The following CABIN1 variants were observed in gnomAD, a reference collection of about 807,000 sequenced individuals.
The protein encoded by CABIN1 is calcineurin binding protein 1, also known as calcineurin-binding protein cabin-1.
CABIN1 carries 133 observed loss-of-function variants against 227.7 expected under a neutral mutation model. The observed-to-expected ratio is 0.58, with a 90% CI of 0.51 to 0.67. The LOEUF is 0.67. Ranked by LOEUF, CABIN1 falls within the 30% of genes least tolerant of loss-of-function variation. The pLI, the probability that CABIN1 is intolerant of heterozygous loss-of-function variation, is 0.00. For missense variants in CABIN1, 2,408 were observed against 2,852.5 expected, an observed-to-expected ratio of 0.84 and a Z score of 3.55; for synonymous variants, 1,086 against 1,155.1, an observed-to-expected ratio of 0.94 and a Z score of 1.21.
intron 1 of CABIN1, among the ~76,000 whole-genome samples, chr22:24,031,796 G>T (rs1202044206): frequency 6.6e-6 from 1 of 152,194 alleles, no homozygotes; most frequent in Non-Finnish European, 1.5e-5. Context: ...TCTGCTTACT[G>T]GGAGTCATCA....
chr22:24,156,363 A>G (rs1447108317), intron 29 of CABIN1, among the ~76,000 whole-genome samples: 1 of 151,926 alleles, frequency 6.6e-6, no homozygotes, highest in African/African-American at 2.4e-5. Context: ...GTTCAGCGTC[A>G]GGTGGGCGGC....
chr22:24,105,076 T>C (rs964365313), intron 26 of CABIN1, among the ~76,000 whole-genome samples: 15 of 152,222 alleles, frequency 9.9e-5, no homozygotes, highest in Non-Finnish European at 1.5e-5. Flanking sequence ...ATCCTGGGAT[T>C]GTCCAAGGGA....
At position 24,177,683 on chromosome 22, in the gene CABIN1, C is replaced by G; in HGVS notation, c.6385C>G (p.Leu2129Val). The G allele has an allele frequency of 6.2e-7, 1 of 1,613,888 alleles. No homozygotes were observed. Among genetic ancestry groups the G allele is most frequent in the Non-Finnish European group, 8.5e-7 (1 of 1,179,902 alleles). Reference sequence around the variant, plus strand: ...GCCCAGCCGGGCTAAGTCCCGCCCCCTGCCCAACATGCCAAAGCTGGTCAT... The same window carrying G: ...GCCCAGCCGGGCTAAGTCCCGCCCCGTGCCCAACATGCCAAAGCTGGTCAT... ...PEPSRAKSRP[L>V]PNMPKLVIPS... The change falls in exon 36 of 37, where the codon CTG (leucine) becomes GTG (valine). Residue 2129 changes from leucine to valine, a missense_variant. This residue lies in a region of CABIN1 where 714 missense variants were observed against 773.8 expected (regional missense o/e 0.92). Transcript: ENST00000263119. The surrounding 1 kb of genome is among the most constrained non-coding windows in gnomAD (Gnocchi z 4.4).
chr22:24,037,635 C>A (rs2037021788), intron 3 of CABIN1, among the ~76,000 whole-genome samples: 1 of 152,160 alleles, frequency 6.6e-6, no homozygotes, highest in South Asian at 2.1e-4. Context: ...TTACTCACAA[C>A]CCTTCTGATA....
At chr22:24,170,145 G>A (rs1226838504) in intron 33 of CABIN1, 5 of 458,852 alleles carry the variant, frequency 1.1e-5, no homozygotes, top group South Asian at 3.1e-5. Context: ...GTGCGGTGGG[G>A]GCGCCTTGGT....
At chr22:24,012,175 A>T (rs1359605906) in intron 1 of CABIN1, among the ~76,000 whole-genome samples, 3 of 152,192 alleles carry the variant, frequency 2.0e-5, no homozygotes. Context: ...TGGGGGGTCC[A>T]TACTCTGTCT....
chr22:24,165,499 G>C (rs986689782), intron 30 of CABIN1, 31 bp from the exon 31 acceptor site: 2 of 1,593,016 alleles, frequency 1.3e-6, no homozygotes, highest in African/African-American at 2.7e-5. Flanking sequence ...ATGCCCTCCT[G>C]TCCTCTCTGA....
At position 24,166,746 on chromosome 22, in the gene CABIN1, G is replaced by C; in HGVS notation, c.5115G>C (p.Gln1705His). 6.2e-7 allele frequency: 1 copy of C among 1,612,818 alleles called. No individual in the cohort carries two copies. The highest frequency in any genetic ancestry group is 8.5e-7 in the Non-Finnish European group (1 of 1,179,964). ...AGGATGGCCAGGAGGGCCTCCCCCA[G>C]CCGAAGAAGCCCCCTCTGGCTGATG... ...SPEDGQEGLP[Q>H]PKKPPLADGS... The change falls in exon 32 of 37, where the codon CAG (glutamine) becomes CAC (histidine). Residue 1705 changes from glutamine to histidine, a missense_variant. Physicochemically the swap from Gln to His is conservative, Grantham distance 24. This residue lies in a region of CABIN1 where 714 missense variants were observed against 773.8 expected (regional missense o/e 0.92). Transcript: ENST00000263119.
At chr22:24,069,757 T>TGG (rs111346442) in intron 16 of CABIN1, among the ~76,000 whole-genome samples, 3,107 of 151,896 alleles carry the variant, frequency 0.02, 121 homozygotes, top group African/African-American at 0.07. Flanking sequence ...ATTTATAAAT[T>TGG]GGGGGGGGTT....
chr22:24,064,408 T>C (rs1297125294), intron 15 of CABIN1, among the ~76,000 whole-genome samples: 5 of 152,062 alleles, frequency 3.3e-5, no homozygotes, highest in East Asian at 1.9e-4. Flanking sequence ...GGTTTCACCA[T>C]GTTGGCCAGG....
chr22:24,065,431 C>T (rs1281456898), intron 15 of CABIN1, among the ~76,000 whole-genome samples: 2 of 151,518 alleles, frequency 1.3e-5, no homozygotes, highest in Non-Finnish European at 2.9e-5. Context: ...AGGCGCTCCC[C>T]ACATCTCAGA....
In CABIN1 at chr22:24,134,442, A is replaced by G. The variant is rs41304663; in HGVS notation, c.4746+27A>G. On this transcript the variant is annotated intron_variant, in intron 29 of 36. Transcript: ENST00000263119. ...TGAGTACTTTGCCTTGTTGATTTCCAAGGCTGTTTGTTGCCACTGCTTTTC... is the reference window on the plus strand; with the variant it reads ...TGAGTACTTTGCCTTGTTGATTTCCGAGGCTGTTTGTTGCCACTGCTTTTC... 2,658 of 1,582,254 alleles carry G rather than the reference A, an allele frequency of 1.7e-3. 4 individuals carry two copies. The highest frequency in any genetic ancestry group is 2.2e-3 in the Non-Finnish European group (2,575 of 1,152,116).
intron 19 of CABIN1, among the ~76,000 whole-genome samples, chr22:24,077,351 A>C (rs181117210): frequency 4.4e-4 from 67 of 152,344 alleles, no homozygotes; most frequent in African/African-American, 1.6e-3. Flanking sequence ...CACACCTGGC[A>C]CATAGTAGGT....
At chr22:24,095,845 GC>G in intron 24 of CABIN1, 85 bp from the exon 25 acceptor site, 1 of 1,465,358 alleles carries the variant, frequency 6.8e-7, no homozygotes, top group Non-Finnish European at 9.5e-7. Flanking sequence ...CTGGTCATGG[GC>G]CCATTTCCAG....
chr22:24,059,821 T>G, intron 11 of CABIN1, 103 bp from the exon 12 acceptor site: 1 of 987,870 alleles, frequency 1.0e-6, no homozygotes, highest in Non-Finnish European at 1.6e-6. Context: ...CTGGATCAGA[T>G]GGTAGAGGGA....
intron 29 of CABIN1, among the ~76,000 whole-genome samples, chr22:24,153,873 G>A (rs1438599967): frequency 1.3e-5 from 2 of 152,154 alleles, no homozygotes; most frequent in Non-Finnish European, 2.9e-5. Flanking sequence ...TCCACCACAG[G>A]ACTCCCTCCT....
intron 12 of CABIN1, among the ~76,000 whole-genome samples, 193 bp from the exon 13 acceptor site, chr22:24,061,754 A>G (rs530569532): frequency 4.6e-5 from 7 of 152,374 alleles, no homozygotes; most frequent in East Asian, 1.9e-4. Context: ...TCTTGTCCCA[A>G]CATACATCCA....
At chr22:24,169,856 G>A (rs1402077784) in intron 33 of CABIN1, among the ~76,000 whole-genome samples, 1 of 152,258 alleles carries the variant, frequency 6.6e-6, no homozygotes, top group Non-Finnish European at 1.5e-5. Context: ...TGAGTTGGCA[G>A]GAGCCAGGGC....
At chr22:24,032,938 C>T (rs750708393) in intron 1 of CABIN1, among the ~76,000 whole-genome samples, 8 of 152,066 alleles carry the variant, frequency 5.3e-5, no homozygotes, top group Non-Finnish European at 1.0e-4. Flanking sequence ...ATTAGCCAGG[C>T]GTGGTGGCAG....
Sources: gnomAD v4.1 joint callset for allele counts (sites outside exome capture counted in the v4.1 genomes callset) on GRCh38, gnomAD v4.1.1 for gene constraint, gnomAD v4.1.1 regional missense constraint, Gnocchi (gnomAD v3.1) non-coding constraint, MANE v1.5 for transcripts, NCBI Gene and HGNC (gene_info 2026-07-23, HGNC 2026-07-21) for gene names.